Variants in TRPC4 observed in about 807,000 individuals in gnomAD.
The protein encoded by TRPC4 is short transient receptor potential channel 4.
Under a neutral mutation model 99.4 loss-of-function variants are expected in TRPC4, and 49 were observed. The ratio of observed to expected loss-of-function variants is 0.49; its 90% CI spans 0.39 to 0.63. TRPC4 has a LOEUF of 0.63. Among genes scored for constraint, TRPC4 ranks in the 20% least tolerant of loss-of-function variants. The pLI is 0.00. For missense variants in TRPC4, 898 were observed against 1,152.9 expected, an observed-to-expected ratio of 0.78 and a Z score of 3.20; for synonymous variants, 454 against 425.9, an observed-to-expected ratio of 1.07 and a Z score of -0.81.
chr13:37,786,069 C>A (rs1293370617), intron 1 of TRPC4, among the ~76,000 whole-genome samples: 2 of 151,884 alleles, frequency 1.3e-5, no homozygotes, highest in African/African-American at 4.8e-5. Flanking sequence ...TCAACACTTA[C>A]CAAGGAATGG....
At chr13:37,653,466 G>A (rs1339814110) in intron 7 of TRPC4, among the ~76,000 whole-genome samples, 2 of 151,840 alleles carry the variant, frequency 1.3e-5, no homozygotes, top group East Asian at 3.9e-4. Context: ...AGGAAGGAAG[G>A]AAGAAAGAAA....
intron 1 of TRPC4, among the ~76,000 whole-genome samples, chr13:37,812,180 A>AAAAAAAAAAAAACAAAC (rs1555276064): frequency 3.4e-5 from 5 of 145,650 alleles, no homozygotes; most frequent in African/African-American, 1.3e-4. Context: ...CTCTATCAAA[A>AAAAAAAAAAAAACAAAC]AAAAAAAAAA....
At chr13:37,799,681 A>AC (rs5802905) in intron 1 of TRPC4, among the ~76,000 whole-genome samples, 65,778 of 151,996 alleles carry the variant, frequency 0.43, 14,376 homozygotes, top group Middle Eastern at 0.47. Context: ...AAAAGCCCTG[A>AC]CTTTTGACTC....
intron 2 of TRPC4, among the ~76,000 whole-genome samples, chr13:37,757,215 C>T (rs888169806): frequency 6.6e-6 from 1 of 151,932 alleles, no homozygotes; most frequent in Non-Finnish European, 1.5e-5. Context: ...AATAGTGATA[C>T]GATAGGAAAA....
chr13:37,821,817 T>C (rs537880477), intron 1 of TRPC4, among the ~76,000 whole-genome samples: 4 of 152,084 alleles, frequency 2.6e-5, no homozygotes, highest in Non-Finnish European at 5.9e-5. Context: ...CAGCTCAAGA[T>C]AGATTAAAGA....
chr13:37,782,872 T>C, intron 2 of TRPC4, 84 bp downstream of exon 2: 1 of 1,188,490 alleles, frequency 8.4e-7, no homozygotes, highest in Non-Finnish European at 1.1e-6. Flanking sequence ...CATTTGAAAA[T>C]CTAAAAAAAA....
chr13:37,777,619 G>T (rs1956743005), intron 2 of TRPC4, among the ~76,000 whole-genome samples: 1 of 152,100 alleles, frequency 6.6e-6, no homozygotes, highest in East Asian at 1.9e-4. Context: ...TTGAACTCTA[G>T]AGGGTAAATT....
At chr13:37,851,591 G>A (rs1246705779) in intron 1 of TRPC4, among the ~76,000 whole-genome samples, 3 of 152,138 alleles carry the variant, frequency 2.0e-5, no homozygotes, top group Non-Finnish European at 4.4e-5. Flanking sequence ...GTAAGGTGAT[G>A]GAATAGAAGC....
chr13:37,690,796 A>T (rs926264243), intron 4 of TRPC4, among the ~76,000 whole-genome samples: 2 of 141,882 alleles, frequency 1.4e-5, no homozygotes, highest in Non-Finnish European at 3.0e-5. Context: ...AAACATATTT[A>T]TCTCAAATAG....
Position 37,635,304 on chromosome 13 carries a change from A to T in TRPC4, c.*1599T>A, listed in dbSNP as rs375596652. On this transcript the variant is annotated 3_prime_UTR_variant, in exon 11 of 11. Coordinates refer to ENST00000379705, the MANE Select transcript of TRPC4 (RefSeq NM_016179.4). The stretch of plus-strand genomic sequence containing the variant: ...GCTCTGATGGACACATCACAGCTCC[A>T]TCATGAGCTGTATTACCTTAGCCAG... 6.6e-6 allele frequency among the ~76,000 whole-genome samples: 1 copy of T among 152,124 alleles called. No homozygotes were observed. The highest frequency in any genetic ancestry group is 1.5e-5 in the Non-Finnish European group (1 of 68,006).
intron 1 of TRPC4, among the ~76,000 whole-genome samples, chr13:37,827,263 T>G (rs576618219): frequency 6.6e-6 from 1 of 152,208 alleles, no homozygotes; most frequent in Admixed American, 6.5e-5. Flanking sequence ...GAAGCCTTCT[T>G]CTCTCAGCTC....
At chr13:37,823,632 T>G (rs1462414759) in intron 1 of TRPC4, among the ~76,000 whole-genome samples, 1 of 151,532 alleles carries the variant, frequency 6.6e-6, no homozygotes, top group African/African-American at 2.4e-5. Flanking sequence ...TTGATCTATA[T>G]CTCTGTTTTG....
chr13:37,808,246 G>T (rs776152574), intron 1 of TRPC4, among the ~76,000 whole-genome samples: 3 of 152,008 alleles, frequency 2.0e-5, no homozygotes, highest in Non-Finnish European at 4.4e-5. Flanking sequence ...AAGTTGAAAA[G>T]GAATGAAATT....
At chr13:37,846,074 AT>A (rs1958890617) in intron 1 of TRPC4, among the ~76,000 whole-genome samples, 1 of 152,182 alleles carries the variant, frequency 6.6e-6, no homozygotes, top group African/African-American at 2.4e-5. Flanking sequence ...ACTTTACCAA[AT>A]AAAGCTATGT....
chr13:37,825,850 T>C (rs2139564188), intron 1 of TRPC4, among the ~76,000 whole-genome samples: 1 of 151,896 alleles, frequency 6.6e-6, no homozygotes, highest in East Asian at 2.0e-4. Context: ...GTCTCATTGA[T>C]CTGTCTAATG....
rs549648549 is a variant in TRPC4, at chr13:37,701,060, C to T, written c.898-8725G>A. 3.3e-5 allele frequency among the ~76,000 whole-genome samples: 5 copies of T among 152,146 alleles called. 1 individual carries two copies. In the South Asian group the frequency reaches 6.2e-4, roughly 19 times the overall value. ...GAAACAGCAGAGGCAACACAGTCAC[C>T]GACCTCTCAGGTTGTGCTATTTGCT... On this transcript the variant is annotated intron_variant, in intron 3 of 10. Transcript: ENST00000379705.
At chr13:37,789,321 A>T (rs539091855) in intron 1 of TRPC4, among the ~76,000 whole-genome samples, 1 of 152,012 alleles carries the variant, frequency 6.6e-6, no homozygotes, top group South Asian at 2.1e-4. Context: ...GCACTTAGCA[A>T]CTCCTGCCGG....
intron 6 of TRPC4, 80 bp from the exon 7 acceptor site, chr13:37,655,363 G>GA: frequency 2.2e-6 from 1 of 448,750 alleles, no homozygotes; most frequent in Non-Finnish European, 3.1e-6. Flanking sequence ...AGCTTGGCAT[G>GA]ATTATATATA....
At chr13:37,648,748 CT>C (rs1335278549) in intron 8 of TRPC4, among the ~76,000 whole-genome samples, 5 of 152,140 alleles carry the variant, frequency 3.3e-5, no homozygotes, top group Admixed American at 6.5e-5. Context: ...TGACTGAGAG[CT>C]CCTCTTTGCT....
Sources: allele counts gnomAD v4.1 joint callset (sites outside exome capture counted in the v4.1 genomes callset), GRCh38; gene constraint gnomAD v4.1.1; transcripts MANE v1.5; gene names NCBI Gene and HGNC (gene_info 2026-07-23, HGNC 2026-07-21).